The following PAX5 variants were observed in gnomAD, a reference collection of about 807,000 sequenced individuals.
The protein encoded by PAX5 is paired box 5.
A neutral mutation model predicts 43.7 loss-of-function variants in PAX5; 9 were observed. The ratio of observed to expected loss-of-function variants is 0.21; its 90% CI spans 0.12 to 0.36. The LOEUF is 0.36. Among genes scored for constraint, PAX5 ranks in the 10% least tolerant of loss-of-function variants. The pLI, the probability that PAX5 is intolerant of heterozygous loss-of-function variation, is 1.00. For synonymous variants in PAX5, 228 were observed against 214.3 expected (o/e 1.06, Z -0.56); for missense variants, 383 against 532.7 (o/e 0.72, Z 2.77).
intron 6 of PAX5, among the ~76,000 whole-genome samples, chr9:36,953,206 C>A (rs778187076): frequency 6.6e-6 from 1 of 152,148 alleles, no homozygotes; most frequent in Non-Finnish European, 1.5e-5. Flanking sequence ...AAGAAATCCA[C>A]TGTAATTTTT....
chr9:36,847,102 C>T (rs1822667093), intron 8 of PAX5, among the ~76,000 whole-genome samples, 173 bp from the exon 9 acceptor site: 1 of 152,230 alleles, frequency 6.6e-6, no homozygotes, highest in Non-Finnish European at 1.5e-5. Context: ...GAGTGGGCAG[C>T]TGTCACTGGC....
intron 8 of PAX5, among the ~76,000 whole-genome samples, chr9:36,849,176 G>C (rs1317719313): frequency 6.6e-6 from 1 of 152,224 alleles, no homozygotes; most frequent in Non-Finnish European, 1.5e-5. Flanking sequence ...GCACCTGTGT[G>C]CCACCCTCAC....
At chr9:37,031,354 G>A (rs1411385174) in intron 1 of PAX5, among the ~76,000 whole-genome samples, 1 of 152,192 alleles carries the variant, frequency 6.6e-6, no homozygotes, top group Non-Finnish European at 1.5e-5. Context: ...CTTAGGCTCT[G>A]TGAGATGAAG....
At chr9:36,957,178 G>A (rs1234777765) in intron 6 of PAX5, among the ~76,000 whole-genome samples, 4 of 152,186 alleles carry the variant, frequency 2.6e-5, no homozygotes, top group Admixed American at 6.5e-5. Context: ...GCTTCTACAC[G>A]CTTCAGGTTT....
At position 37,034,172 on chromosome 9, in the gene PAX5, TC is replaced by T. The variant is rs965689645; in HGVS notation, c.-142del. The T allele has an allele frequency of 1.8e-6, 1 of 552,252 alleles. No homozygotes were observed. The highest frequency in any genetic ancestry group is 2.2e-5 in the African/African-American group (1 of 44,574). 34.2% of individuals were successfully genotyped at this position (552,252 alleles called of 1,614,324 possible). ...GGTCGGAATAATTCAAGCCTTCCGCTCCCCCGCCGAGCTGGGGTAGCTGATC... is the reference window on the plus strand; with the variant it reads ...GGTCGGAATAATTCAAGCCTTCCGCTCCCCGCCGAGCTGGGGTAGCTGATC... On this transcript the variant is annotated 5_prime_UTR_variant, in exon 1 of 10. Transcript: ENST00000358127.
chr9:36,995,731 G>T (rs186266946), intron 5 of PAX5, among the ~76,000 whole-genome samples: 59 of 152,248 alleles, frequency 3.9e-4, no homozygotes, highest in African/African-American at 1.4e-3. Context: ...GGAGCGGGGC[G>T]TCTCAGGTGC....
chr9:36,972,559 C>T (rs982621021), intron 5 of PAX5, among the ~76,000 whole-genome samples: 6 of 152,174 alleles, frequency 3.9e-5, no homozygotes, highest in Non-Finnish European at 8.8e-5. Flanking sequence ...GGCTATGATC[C>T]ATCCCACCGC....
At chr9:36,881,758 C>T (rs1221947282) in intron 8 of PAX5, among the ~76,000 whole-genome samples, 1 of 152,036 alleles carries the variant, frequency 6.6e-6, no homozygotes, top group Non-Finnish European at 1.5e-5. Flanking sequence ...CTGTACGTGG[C>T]CAACAAGGCC....
chr9:36,868,191 T>G (rs1825086936), intron 8 of PAX5, among the ~76,000 whole-genome samples: 2 of 152,264 alleles, frequency 1.3e-5, no homozygotes, highest in African/African-American at 4.8e-5. Context: ...GGCGTGCCAG[T>G]AGCACTCAAG....
At chr9:36,932,860 G>A (rs924255096) in intron 6 of PAX5, among the ~76,000 whole-genome samples, 3 of 152,048 alleles carry the variant, frequency 2.0e-5, no homozygotes, top group Non-Finnish European at 4.4e-5. Flanking sequence ...TACTTTGAAA[G>A]TCTCCGTAAT....
Position 36,834,419 on chromosome 9 carries a change from T to TGA in PAX5, c.*6140_*6141insTC, listed in dbSNP as rs1348968757. 1.5e-4 allele frequency: 20 copies of TGA among 137,038 alleles called. No individual in the cohort carries two copies. The South Asian group carries it at 2.2e-3, about 15-fold the overall frequency. The allele number at this position is 137,038 out of a possible 1,614,324, so 8.5% of individuals were successfully genotyped here. A position where few individuals can be genotyped will look rare whatever the true frequency, so the allele number is the denominator to read the frequency against. ...TCTGAGGTGTAGGGGAGTGAGTGAG[T>TGA]GTGTGTGTGTGTGTGTGTGTGTGTG... On this transcript the variant is annotated 3_prime_UTR_variant, in exon 10 of 10. Transcript: ENST00000358127.
At chr9:36,950,170 T>G (rs888594607) in intron 6 of PAX5, among the ~76,000 whole-genome samples, 3 of 152,178 alleles carry the variant, frequency 2.0e-5, no homozygotes, top group African/African-American at 7.2e-5. Context: ...AACCAACAGG[T>G]AGATAAAGTT....
At chr9:36,959,445 G>A (rs1833768869) in intron 6 of PAX5, among the ~76,000 whole-genome samples, 1 of 152,170 alleles carries the variant, frequency 6.6e-6, no homozygotes, top group African/African-American at 2.4e-5. Context: ...CTCTTCATCA[G>A]ACCAAATGGC....
At chr9:37,029,347 C>A (rs574072379) in intron 1 of PAX5, among the ~76,000 whole-genome samples, 6 of 152,330 alleles carry the variant, frequency 3.9e-5, no homozygotes, top group African/African-American at 1.2e-4. Flanking sequence ...CCAGCTGTCC[C>A]TGACCAGTAG....
At chr9:37,007,527 G>C (rs1199903446) in intron 3 of PAX5, 2 of 152,206 alleles carry the variant, frequency 1.3e-5, no homozygotes, top group Non-Finnish European at 2.9e-5. Context: ...GCGCATCTGA[G>C]AGCAGCAGAA....
intron 8 of PAX5, among the ~76,000 whole-genome samples, chr9:36,881,077 A>T (rs142150722): frequency 6.6e-6 from 1 of 152,374 alleles, no homozygotes; most frequent in Non-Finnish European, 1.5e-5. Flanking sequence ...AATGGTTCTC[A>T]CTACAAAGAA....
intron 5 of PAX5, among the ~76,000 whole-genome samples, chr9:36,994,336 A>G (rs1457552791): frequency 6.6e-6 from 1 of 152,184 alleles, no homozygotes. Flanking sequence ...CCCTTGGGCC[A>G]AGCCTGCGCC....
At chr9:36,843,313 C>T (rs1021412365) in intron 9 of PAX5, among the ~76,000 whole-genome samples, 1 of 152,064 alleles carries the variant, frequency 6.6e-6, no homozygotes, top group African/African-American at 2.4e-5. Flanking sequence ...CTGAAGACAC[C>T]GTGGGGCAGG....
rs760031382 is a variant in PAX5, at chr9:36,966,613, C to A, written c.716G>T (p.Arg239Leu). The A allele has an allele frequency of 1.9e-6, 3 of 1,614,070 alleles. No individual in the cohort carries two copies. The highest frequency in any genetic ancestry group is 2.5e-6 in the Non-Finnish European group (3 of 1,180,030). Residue 239 changes from arginine (R) to leucine (L), a missense_variant, in exon 6 of 10, where the codon CGC (arginine) becomes CTC (leucine). By Grantham distance (102) the Arg-to-Leu change is moderately radical. Transcript: ENST00000358127. ...FTQQQLEVLD[R>L]VFERQHYSDI... Reference sequence around the variant, plus strand: ...TGAGTAGTGCTGCCTCTCAAACACGCGGTCCAGCACCTCCAGCTGCTGCTG... The same window carrying A: ...TGAGTAGTGCTGCCTCTCAAACACGAGGTCCAGCACCTCCAGCTGCTGCTG...
Sources: gnomAD v4.1 joint callset for allele counts (sites outside exome capture counted in the v4.1 genomes callset) on GRCh38, gnomAD v4.1.1 for gene constraint, MANE v1.5 for transcripts, NCBI Gene and HGNC (gene_info 2026-07-23, HGNC 2026-07-21) for gene names.